The following CAMK4 variants were observed in gnomAD, a reference collection of about 807,000 sequenced individuals.
CAMK4 encodes calcium/calmodulin-dependent protein kinase type IV.
In CAMK4, 22 loss-of-function variants were observed where a neutral mutation model predicts 44.9. That is an observed-to-expected ratio of 0.49 (90% CI 0.35 to 0.70). The LOEUF (loss-of-function observed/expected upper bound fraction) is 0.70, where lower values mean the gene tolerates loss of function less well. CAMK4 is among the 30% of genes least tolerant of loss of function. The probability of loss-of-function intolerance (pLI) is 0.01; values close to 1 mark genes in which losing one functional copy is unlikely to be tolerated. For synonymous variants in CAMK4, 218 were observed against 215.4 expected, an observed-to-expected ratio of 1.01 and a Z score of -0.11; for missense variants, 498 against 586.8, an observed-to-expected ratio of 0.85 and a Z score of 1.56.
chr5:111,309,026 C>G (rs749276139), intron 1 of CAMK4, among the ~76,000 whole-genome samples: 1 of 152,078 alleles, frequency 6.6e-6, no homozygotes, highest in Admixed American at 6.6e-5. Flanking sequence ...AATCCGTGGT[C>G]GAGATGTGAG....
intron 1 of CAMK4, among the ~76,000 whole-genome samples, chr5:111,275,679 A>G (rs1750730891): frequency 6.6e-6 from 1 of 152,142 alleles, no homozygotes; most frequent in Non-Finnish European, 1.5e-5. Flanking sequence ...GTACAAAAAT[A>G]TGGTTAGATA....
intron 5 of CAMK4, among the ~76,000 whole-genome samples, chr5:111,442,097 C>G (rs1753842607): frequency 6.6e-6 from 1 of 152,150 alleles, no homozygotes; most frequent in South Asian, 2.1e-4. Flanking sequence ...TTCAGATGCT[C>G]CAAGATAGCA....
At chr5:111,321,629 C>T (rs1425476145) in intron 1 of CAMK4, among the ~76,000 whole-genome samples, 2 of 151,830 alleles carry the variant, frequency 1.3e-5, no homozygotes, top group African/African-American at 4.8e-5. Flanking sequence ...GGTGTAGTCT[C>T]AAGGCCTGTG....
At chr5:111,377,976 A>G (rs556214217) in intron 4 of CAMK4, among the ~76,000 whole-genome samples, 4 of 152,092 alleles carry the variant, frequency 2.6e-5, no homozygotes, top group African/African-American at 9.7e-5. Context: ...ATTAGTTTTG[A>G]ATGCGTTGAG....
chr5:111,365,939 T>C (rs1029410136), intron 2 of CAMK4, among the ~76,000 whole-genome samples: 1 of 152,156 alleles, frequency 6.6e-6, no homozygotes, highest in Non-Finnish European at 1.5e-5. Context: ...TCTTGTAGAC[T>C]AAAACTGTCA....
chr5:111,226,494 G>A (rs1748199095), intron 1 of CAMK4, among the ~76,000 whole-genome samples: 1 of 152,232 alleles, frequency 6.6e-6, no homozygotes, highest in East Asian at 1.9e-4. Flanking sequence ...AGTTGAAAAT[G>A]CATTTACTAC....
At chr5:111,295,885 G>A (rs986786546) in intron 1 of CAMK4, among the ~76,000 whole-genome samples, 2 of 152,144 alleles carry the variant, frequency 1.3e-5, no homozygotes, top group African/African-American at 4.8e-5. Flanking sequence ...AACAAAAATT[G>A]GAGTTTGGGA....
chr5:111,420,050 C>T (rs1163254922), intron 5 of CAMK4, among the ~76,000 whole-genome samples: 6 of 151,580 alleles, frequency 4.0e-5, no homozygotes, highest in South Asian at 2.1e-4. Flanking sequence ...GCCATTTTCA[C>T]GATATTGATT....
intron 7 of CAMK4, among the ~76,000 whole-genome samples, chr5:111,469,471 C>T (rs1754984826): frequency 6.6e-6 from 1 of 152,030 alleles, no homozygotes; most frequent in African/African-American, 2.4e-5. Context: ...AGGTTACACC[C>T]AGTGCTGCGA....
intron 2 of CAMK4, among the ~76,000 whole-genome samples, chr5:111,346,160 G>C (rs1331086207): frequency 6.6e-6 from 1 of 151,830 alleles, no homozygotes; most frequent in Non-Finnish European, 1.5e-5. Context: ...CTTGTCTAAA[G>C]GAAATGAATG....
intron 1 of CAMK4, among the ~76,000 whole-genome samples, chr5:111,332,060 C>T (rs919936174): frequency 5.9e-5 from 9 of 151,556 alleles, no homozygotes; most frequent in Non-Finnish European, 1.3e-4. Flanking sequence ...CTCACACCCA[C>T]ACAATTTAAG....
At chr5:111,386,846 G>A (rs1452629833) in intron 4 of CAMK4, among the ~76,000 whole-genome samples, 1 of 152,218 alleles carries the variant, frequency 6.6e-6, no homozygotes, top group Non-Finnish European at 1.5e-5. Context: ...CAGATCTCCA[G>A]ATGTCTGCTA....
intron 5 of CAMK4, among the ~76,000 whole-genome samples, chr5:111,443,518 C>G (rs1223850326): frequency 6.6e-6 from 1 of 151,476 alleles, no homozygotes; most frequent in African/African-American, 2.4e-5. Flanking sequence ...TAGTGTATAG[C>G]TCCTCGTTCT....
chr5:111,400,365 C>T (rs1365737658), intron 5 of CAMK4, among the ~76,000 whole-genome samples: 2 of 152,188 alleles, frequency 1.3e-5, no homozygotes, highest in African/African-American at 4.8e-5. Context: ...CACAGCTATA[C>T]ATAGCTATAA....
Position 111,229,921 on chromosome 5 carries a change from G to A in CAMK4, c.161+5277G>A, listed in dbSNP as rs193128741. 3.7e-3 allele frequency among the ~76,000 whole-genome samples: 566 copies of A among 152,220 alleles called. 1 individual carries two copies. The highest frequency in any genetic ancestry group is 0.014 in the Middle Eastern group (4 of 294). ...AAGCTTCCAGAAGGCAGAGTCTGTG[G>A]GTTTGGCTGGTTCACTATTATGTGC... On this transcript the variant is annotated intron_variant, in intron 1 of 10. Transcript: ENST00000282356.
chr5:111,476,103 A>G (rs745436237), intron 8 of CAMK4, among the ~76,000 whole-genome samples: 1 of 151,800 alleles, frequency 6.6e-6, no homozygotes, highest in Non-Finnish European at 1.5e-5. Flanking sequence ...GTATGTACAT[A>G]AACTCTGGGG....
At chr5:111,442,227 C>G (rs1301451627) in intron 5 of CAMK4, among the ~76,000 whole-genome samples, 1 of 152,164 alleles carries the variant, frequency 6.6e-6, no homozygotes, top group Non-Finnish European at 1.5e-5. Flanking sequence ...GGTGCTGTGG[C>G]TCATGCCTAT....
intron 1 of CAMK4, among the ~76,000 whole-genome samples, chr5:111,325,253 G>A (rs1433837003): frequency 1.3e-5 from 2 of 152,022 alleles, no homozygotes; most frequent in Non-Finnish European, 1.5e-5. Context: ...TCTTTATCCA[G>A]TCTATCATTG....
At chr5:111,377,120 T>G (rs1244285861) in intron 4 of CAMK4, among the ~76,000 whole-genome samples, 178 bp downstream of exon 4, 2 of 152,096 alleles carry the variant, frequency 1.3e-5, no homozygotes, top group Non-Finnish European at 2.9e-5. Flanking sequence ...AAGATGTAGG[T>G]ACATGAAAAC....
Sources: allele counts gnomAD v4.1 joint callset (sites outside exome capture counted in the v4.1 genomes callset), GRCh38; gene constraint gnomAD v4.1.1; transcripts MANE v1.5; gene names NCBI Gene and HGNC (gene_info 2026-07-23, HGNC 2026-07-21).